Variants in NAV2 observed in about 807,000 individuals in gnomAD.
The protein encoded by NAV2 is neuron navigator 2.
A neutral mutation model predicts 223.2 loss-of-function variants in NAV2; 54 were observed. That is an observed-to-expected ratio of 0.24 (90% confidence interval 0.19 to 0.30). The LOEUF is 0.30. Among genes scored for constraint, NAV2 ranks in the 10% least tolerant of loss-of-function variants. The pLI is 1.00. For synonymous variants in NAV2, 1,279 were observed against 1,239.3 expected (o/e 1.03, Z -0.67); for missense variants, 2,806 against 3,147.5 (o/e 0.89, Z 2.60).
intron 1 of NAV2, among the ~76,000 whole-genome samples, chr11:19,816,806 A>G (rs534848333): frequency 2.9e-4 from 44 of 152,264 alleles, no homozygotes; most frequent in Admixed American, 5.9e-4. Context: ...AAATATGTAA[A>G]TATACCTATA....
chr11:19,683,359 T>G (rs2048929691), intron 1 of NAV2, among the ~76,000 whole-genome samples: 1 of 152,256 alleles, frequency 6.6e-6, no homozygotes, highest in Non-Finnish European at 1.5e-5. Flanking sequence ...GTGATGTGTT[T>G]TCTTAAAAGA....
At chr11:19,423,753 A>G (rs747658150) in intron 1 of NAV2, among the ~76,000 whole-genome samples, 1 of 152,178 alleles carries the variant, frequency 6.6e-6, no homozygotes, top group Non-Finnish European at 1.5e-5. Flanking sequence ...AATCAGATTG[A>G]TCTGACTGTC....
intron 1 of NAV2, among the ~76,000 whole-genome samples, chr11:19,609,596 C>G (rs1439094827): frequency 6.6e-6 from 1 of 152,224 alleles, no homozygotes; most frequent in Non-Finnish European, 1.5e-5. Context: ...GTAGGTTAGT[C>G]TTTCCTGGAG....
chr11:19,948,653 G>A (rs2047134971), intron 9 of NAV2, 38 bp from the exon 10 acceptor site: 1 of 1,517,752 alleles, frequency 6.6e-7, no homozygotes, highest in Admixed American at 2.1e-5. Flanking sequence ...AAGGATACTA[G>A]GTACCTTTGA....
At chr11:19,539,164 G>C (rs191667880) in intron 1 of NAV2, among the ~76,000 whole-genome samples, 2 of 152,172 alleles carry the variant, frequency 1.3e-5, no homozygotes, top group Admixed American at 6.5e-5. Context: ...TACGTACTGA[G>C]CCTCATTACG....
At chr11:19,490,613 C>A (rs1451054000) in intron 1 of NAV2, among the ~76,000 whole-genome samples, 2 of 152,202 alleles carry the variant, frequency 1.3e-5, no homozygotes, top group African/African-American at 2.4e-5. Flanking sequence ...AGTTCTCTTG[C>A]TATTTACACC....
chr11:19,715,327 T>C (rs2050211150), intron 1 of NAV2, among the ~76,000 whole-genome samples: 1 of 152,156 alleles, frequency 6.6e-6, no homozygotes, highest in South Asian at 2.1e-4. Context: ...GGGGCCTGCC[T>C]CTGTGAGGGT....
intron 37 of NAV2, among the ~76,000 whole-genome samples, chr11:20,117,401 C>T (rs184131113): frequency 2.6e-3 from 392 of 152,214 alleles, no homozygotes; most frequent in Admixed American, 6.2e-3. Context: ...CATTTTATTC[C>T]CTACTTCAAC....
At chr11:19,688,917 T>G (rs529620144) in intron 1 of NAV2, among the ~76,000 whole-genome samples, 1 of 152,218 alleles carries the variant, frequency 6.6e-6, no homozygotes, top group African/African-American at 2.4e-5. Context: ...AGAGCCCAAT[T>G]TGGATGAAAA....
intron 11 of NAV2, among the ~76,000 whole-genome samples, chr11:20,032,815 CT>C (rs1397247201): frequency 6.6e-6 from 1 of 152,180 alleles, no homozygotes; most frequent in African/African-American, 2.4e-5. Context: ...GAAACTTGCT[CT>C]ATCTTGCCTC....
chr11:19,928,540 T>C (rs932128846), intron 6 of NAV2, among the ~76,000 whole-genome samples: 7 of 152,070 alleles, frequency 4.6e-5, no homozygotes, highest in African/African-American at 1.2e-4. Flanking sequence ...ATCAGGGAAA[T>C]AAGTGCTTTT....
intron 1 of NAV2, chr11:19,759,995 G>A (rs1411543626): frequency 2.6e-5 from 4 of 154,078 alleles, no homozygotes; most frequent in African/African-American, 9.7e-5. Flanking sequence ...TTTTCTTTTT[G>A]TAAATTTCCA....
At chr11:19,440,518 T>C (rs1374166618) in intron 1 of NAV2, among the ~76,000 whole-genome samples, 1 of 152,220 alleles carries the variant, frequency 6.6e-6, no homozygotes, top group African/African-American at 2.4e-5. Flanking sequence ...GGCTAGGTTA[T>C]GCTCCTGGCT....
chr11:19,937,557 T>C (rs762621359), intron 7 of NAV2, among the ~76,000 whole-genome samples: 1 of 152,164 alleles, frequency 6.6e-6, no homozygotes, highest in Non-Finnish European at 1.5e-5. Context: ...CCAGAGGAGA[T>C]TGCTATTATT....
intron 1 of NAV2, among the ~76,000 whole-genome samples, chr11:19,619,635 A>C (rs946567957): frequency 1.3e-5 from 2 of 152,068 alleles, no homozygotes; most frequent in African/African-American, 4.8e-5. Flanking sequence ...AATCTGTTTG[A>C]GTTCTTTGTA....
intron 1 of NAV2, among the ~76,000 whole-genome samples, chr11:19,701,328 C>G (rs1413799472): frequency 6.6e-6 from 1 of 152,174 alleles, no homozygotes; most frequent in Non-Finnish European, 1.5e-5. Flanking sequence ...TTCTAGAAGA[C>G]TGCCTTTGAT....
Position 20,049,094 on chromosome 11 carries a change from C to A in NAV2, c.4269C>A (p.Val1423=). 6.2e-7 allele frequency: 1 copy of A among 1,614,066 alleles called. No homozygotes were observed. The highest frequency in any genetic ancestry group is 8.5e-7 in the Non-Finnish European group (1 of 1,180,004). ...SIDISLSSGG[V]PSHNSSTGLI... Reference sequence around the variant, plus strand: ...ACATCTCCCTCAGCAGTGGAGGGGTCCCCAGCCACAATTCTTCCACTGGCC... The same window carrying A: ...ACATCTCCCTCAGCAGTGGAGGGGTACCCAGCCACAATTCTTCCACTGGCC... Residue 1423 remains valine, a synonymous_variant, in exon 15 of 38, where the codon GTC becomes GTA. Coordinates refer to ENST00000349880, the MANE Select transcript of NAV2 (RefSeq NM_145117.5).
intron 1 of NAV2, among the ~76,000 whole-genome samples, chr11:19,776,340 C>T (rs191605389): frequency 6.6e-6 from 1 of 152,080 alleles, no homozygotes; most frequent in African/African-American, 2.4e-5. Flanking sequence ...TGGGGAGGTC[C>T]CCAGTCCTCA....
chr11:20,058,962 A>G (rs757584267), intron 19 of NAV2, among the ~76,000 whole-genome samples: 5 of 152,184 alleles, frequency 3.3e-5, no homozygotes, highest in Non-Finnish European at 7.3e-5. Context: ...TAATGGCCAA[A>G]TTGAGGCAAA....
Sources: allele counts gnomAD v4.1 joint callset (sites outside exome capture counted in the v4.1 genomes callset), GRCh38; gene constraint gnomAD v4.1.1; transcripts MANE v1.5; gene names NCBI Gene and HGNC (gene_info 2026-07-23, HGNC 2026-07-21).